AGBL4: variants seen among roughly 807,000 people sequenced by gnomAD.
The protein encoded by AGBL4 is AGBL carboxypeptidase 4.
Under a neutral mutation model 66.4 loss-of-function variants are expected in AGBL4, and 58 were observed. The ratio of observed to expected loss-of-function variants is 0.87; its 90% CI spans 0.71 to 1.09. AGBL4 has a LOEUF of 1.09. Among genes scored for constraint, AGBL4 ranks in the 50% least tolerant of loss-of-function variants. The pLI is 0.00. For synonymous variants in AGBL4, 234 were observed against 222.9 expected (o/e 1.05, Z -0.44); for missense variants, 579 against 631.0 (o/e 0.92, Z 0.88).
chr1:48,606,868 G>A (rs1645161674), intron 9 of AGBL4, among the ~76,000 whole-genome samples: 1 of 152,204 alleles, frequency 6.6e-6, no homozygotes, highest in African/African-American at 2.4e-5. Context: ...GAAACTATAT[G>A]TGCACTGCTG....
intron 1 of AGBL4, among the ~76,000 whole-genome samples, chr1:49,908,773 G>A (rs941249413): frequency 2.6e-5 from 4 of 152,022 alleles, no homozygotes; most frequent in Admixed American, 2.6e-4. Context: ...AATAAAAAAG[G>A]GGGTGGGTCT....
chr1:49,870,801 C>T (rs1162942543), intron 1 of AGBL4, among the ~76,000 whole-genome samples: 1 of 151,890 alleles, frequency 6.6e-6, no homozygotes, highest in Non-Finnish European at 1.5e-5. Flanking sequence ...TTCACACCCA[C>T]TCTGATGGTT....
intron 6 of AGBL4, among the ~76,000 whole-genome samples, chr1:48,781,480 C>A (rs1557989762): frequency 6.6e-6 from 1 of 152,180 alleles, no homozygotes; most frequent in Non-Finnish European, 1.5e-5. Context: ...TTACACATAC[C>A]AGATACTCAA....
At chr1:49,185,390 G>C (rs975635997) in intron 4 of AGBL4, among the ~76,000 whole-genome samples, 1 of 152,172 alleles carries the variant, frequency 6.6e-6, no homozygotes, top group African/African-American at 2.4e-5. Context: ...CAAAACTCTG[G>C]CTGGAGGTGA....
At chr1:48,867,791 A>G (rs1456581391) in intron 5 of AGBL4, among the ~76,000 whole-genome samples, 1 of 152,146 alleles carries the variant, frequency 6.6e-6, no homozygotes, top group African/African-American at 2.4e-5. Context: ...TCCTTTTCTA[A>G]CTGAATCCTT....
chr1:48,888,712 T>C (rs1360499134), intron 5 of AGBL4, among the ~76,000 whole-genome samples: 1 of 152,166 alleles, frequency 6.6e-6, no homozygotes, highest in Non-Finnish European at 1.5e-5. Context: ...TAGTTCTTTA[T>C]AGCAATGTGA....
chr1:48,595,427 G>GT lies in AGBL4; in HGVS notation c.952-4443dup, dbSNP rs1644980737. Among the ~76,000 whole-genome samples the GT allele has an allele frequency of 3.3e-5, 5 of 152,234 alleles. No homozygotes were observed. In the South Asian group the frequency reaches 1.0e-3, roughly 31 times the overall value. On this transcript the variant is annotated intron_variant, in intron 9 of 13. Transcript: ENST00000371839. ...AAATGCATCTTAAGTTGTTCCAACA[G>GT]TAAAACCAGGTACTTTTCTGTGGCT...
intron 5 of AGBL4, among the ~76,000 whole-genome samples, chr1:49,002,474 C>A (rs1169379375): frequency 6.6e-6 from 1 of 152,222 alleles, no homozygotes; most frequent in Admixed American, 6.5e-5. Flanking sequence ...GAGACTCAAA[C>A]ATTCTCTGTA....
chr1:49,195,870 C>G (rs1300895538), intron 4 of AGBL4, among the ~76,000 whole-genome samples: 1 of 152,082 alleles, frequency 6.6e-6, no homozygotes. Flanking sequence ...AGGGAGAGAT[C>G]TGGTAGGAGG....
intron 2 of AGBL4, among the ~76,000 whole-genome samples, chr1:49,794,309 G>A (rs1391753579): frequency 2.6e-5 from 4 of 151,724 alleles, no homozygotes; most frequent in African/African-American, 9.7e-5. Flanking sequence ...AATTGAAAAC[G>A]GATTTAAGTT....
intron 6 of AGBL4, chr1:48,759,144 T>C: frequency 6.2e-7 from 1 of 1,614,114 alleles, no homozygotes; most frequent in Non-Finnish European, 8.5e-7. Flanking sequence ...CCATGTCCTC[T>C]GTGCCTGGCG....
intron 5 of AGBL4, among the ~76,000 whole-genome samples, chr1:49,013,688 C>G (rs1227317732): frequency 1.3e-5 from 2 of 152,146 alleles, no homozygotes. Flanking sequence ...CTTGCCCATT[C>G]TAGCCACTCA....
chr1:48,692,348 C>T (rs1646646069), intron 6 of AGBL4, among the ~76,000 whole-genome samples: 1 of 152,128 alleles, frequency 6.6e-6, no homozygotes, highest in Admixed American at 6.5e-5. Context: ...GGGGGCGGCA[C>T]GCTGGGGAGC....
chr1:50,018,941 C>A (rs12758298), intron 1 of AGBL4, among the ~76,000 whole-genome samples: 63,754 of 151,766 alleles, frequency 0.42, 15,837 homozygotes, highest in Non-Finnish European at 0.56. Flanking sequence ...TTCCATAATT[C>A]CAAAATCACC....
At chr1:49,591,277 C>A (rs1644746541) in intron 3 of AGBL4, among the ~76,000 whole-genome samples, 1 of 150,788 alleles carries the variant, frequency 6.6e-6, no homozygotes, top group South Asian at 2.1e-4. Flanking sequence ...AGGAGAATGA[C>A]CTTGAAAAAA....
chr1:49,539,558 A>G (rs1279868039), intron 3 of AGBL4, among the ~76,000 whole-genome samples: 1 of 152,118 alleles, frequency 6.6e-6, no homozygotes, highest in Non-Finnish European at 1.5e-5. Context: ...TGACCTTTGA[A>G]TCTTCTACTT....
chr1:49,205,357 C>T (rs1648047773), intron 4 of AGBL4, among the ~76,000 whole-genome samples: 1 of 152,046 alleles, frequency 6.6e-6, no homozygotes, highest in Non-Finnish European at 1.5e-5. Flanking sequence ...CTATTTTTAG[C>T]TGCTATTGAT....
At position 49,557,704 on chromosome 1, in the gene AGBL4, C is replaced by T. The variant is rs530974628; in HGVS notation, c.282+139609G>A. On this transcript the variant is annotated intron_variant, in intron 3 of 13. Coordinates refer to ENST00000371839, the MANE Select transcript of AGBL4 (RefSeq NM_032785.4). ...AAGTAAACATAAAAGGCAGCCTAGG[C>T]CATAAGGCCTTCAACTTGTAAGTGA... Among the ~76,000 whole-genome samples, 3 of 152,130 alleles carry T rather than the reference C, an allele frequency of 2.0e-5. No individual in the cohort carries two copies. The South Asian group carries it at 6.2e-4, about 32-fold the overall frequency.
Position 48,776,763 on chromosome 1 carries a change from G to A in AGBL4, c.634+90428C>T. The A allele has an allele frequency of 3.3e-6, 5 of 1,526,110 alleles. No individual in the cohort carries two copies. In the South Asian group the frequency reaches 6.1e-5, roughly 19 times the overall value. 94.5% of individuals were successfully genotyped at this position (1,526,110 alleles called of 1,614,324 possible). ...AATCCAGCCGCGAGCGGGGGCTGAA[G>A]TCGCGCACGCACGACACGGGCAGCG... is the stretch of plus-strand genomic sequence containing the variant. On this transcript the variant is annotated intron_variant, in intron 6 of 13. Coordinates refer to ENST00000371839, the MANE Select transcript of AGBL4 (RefSeq NM_032785.4).
Sources: gnomAD v4.1 joint callset for allele counts (sites outside exome capture counted in the v4.1 genomes callset) on GRCh38, gnomAD v4.1.1 for gene constraint, MANE v1.5 for transcripts, NCBI Gene and HGNC (gene_info 2026-07-23, HGNC 2026-07-21) for gene names.